Variants in CCDC50 observed in about 807,000 individuals in gnomAD.
CCDC50 encodes coiled-coil domain containing 50.
Under a neutral mutation model 70.2 loss-of-function variants are expected in CCDC50, and 54 were observed. The observed-to-expected ratio is 0.77, with a 90% CI of 0.62 to 0.96. CCDC50 has a LOEUF of 0.96. Among genes scored for constraint, CCDC50 ranks in the 50% least tolerant of loss-of-function variants. The probability of loss-of-function intolerance (pLI) is 0.00; values close to 1 mark genes in which losing one functional copy is unlikely to be tolerated. For missense variants in CCDC50, 558 were observed against 578.7 expected, an observed-to-expected ratio of 0.96 and a Z score of 0.37; for synonymous variants, 216 against 198.8, an observed-to-expected ratio of 1.09 and a Z score of -0.73.
intron 1 of CCDC50, among the ~76,000 whole-genome samples, chr3:191,348,176 T>G (rs1166299978): frequency 7.0e-6 from 1 of 141,958 alleles, no homozygotes; most frequent in African/African-American, 2.5e-5. Flanking sequence ...AATGGGGGTC[T>G]TGTAGGTTGA....
chr3:191,382,406 T>C (rs906047229), intron 9 of CCDC50, among the ~76,000 whole-genome samples: 1 of 152,130 alleles, frequency 6.6e-6, no homozygotes, highest in African/African-American at 2.4e-5. Context: ...GTGTAGCTAT[T>C]ATGTTAATAA....
At chr3:191,329,941 T>G (rs1409216229) in intron 1 of CCDC50, among the ~76,000 whole-genome samples, 16 of 5,366 alleles carry the variant, frequency 3.0e-3, no homozygotes, top group Non-Finnish European at 5.5e-3. Flanking sequence ...AAGGGGGTGG[T>G]TGGGGGGGGG....
In CCDC50 at chr3:191,393,765, A is replaced by G. The variant is rs1339009953; in HGVS notation, c.*2005A>G. On this transcript the variant is annotated 3_prime_UTR_variant, in exon 12 of 12. Transcript: ENST00000392455. Reference sequence around the variant, plus strand: ...AGTCAAATTCCAGATAGTGCTTTCAATATCCAAAGCTTAGGCCTTGTTTAC... The same window carrying G: ...AGTCAAATTCCAGATAGTGCTTTCAGTATCCAAAGCTTAGGCCTTGTTTAC... The G allele has an allele frequency of 6.6e-6, 1 of 152,192 alleles. No individual in the cohort carries two copies. Among genetic ancestry groups the G allele is most frequent in the African/African-American group, 2.4e-5 (1 of 41,456 alleles). The allele number at this position is 152,192 out of a possible 1,614,324, so 9.4% of individuals were successfully genotyped here.
intron 1 of CCDC50, among the ~76,000 whole-genome samples, chr3:191,340,756 T>G (rs1289687168): frequency 6.6e-6 from 1 of 152,222 alleles, no homozygotes; most frequent in Admixed American, 6.5e-5. Context: ...GGCGGACATA[T>G]GAGGTTAGAA....
intron 5 of CCDC50, among the ~76,000 whole-genome samples, chr3:191,373,505 C>G (rs887479225): frequency 6.6e-6 from 1 of 152,128 alleles, no homozygotes; most frequent in Non-Finnish European, 1.5e-5. Flanking sequence ...TTGTGCAACT[C>G]TGAGTGAGCA....
intron 1 of CCDC50, 48 bp downstream of exon 1, chr3:191,329,771 C>T: frequency 6.3e-7 from 1 of 1,583,002 alleles, no homozygotes; most frequent in Middle Eastern, 1.7e-4. Flanking sequence ...CTCTCCCAGC[C>T]CGAGGTTCTC....
intron 9 of CCDC50, among the ~76,000 whole-genome samples, chr3:191,382,318 A>G (rs987312771): frequency 2.0e-5 from 3 of 152,134 alleles, no homozygotes; most frequent in Admixed American, 1.3e-4. Flanking sequence ...AGCCTAAGAC[A>G]TGTGTGCGGA....
intron 6 of CCDC50, 68 bp from the exon 7 acceptor site, chr3:191,380,091 A>T: frequency 1.0e-6 from 1 of 987,286 alleles, no homozygotes; most frequent in Non-Finnish European, 1.6e-6. Context: ...CTTTATCTTA[A>T]ATTTCTTAAC....
rs376118427 is a variant in CCDC50 at position 191,380,683 on chromosome 3, A to G, written c.1093-4A>G. 1.2e-4 allele frequency: 201 copies of G among 1,612,090 alleles called. No homozygotes were observed. The highest frequency in any genetic ancestry group is 1.7e-4 in the Non-Finnish European group (197 of 1,178,856). On this transcript the variant is annotated splice_polypyrimidine_tract_variant and splice_region_variant and intron_variant, in intron 7 of 11. Coordinates refer to ENST00000392455, the MANE Select transcript of CCDC50 (RefSeq NM_178335.3). ...TCTTTGTTTTTGTATTTTCGATATCATAGGCTACCCAGGTGGACATGAGAG... is the reference window on the plus strand; with the variant it reads ...TCTTTGTTTTTGTATTTTCGATATCGTAGGCTACCCAGGTGGACATGAGAG...
chr3:191,356,126 T>G, intron 1 of CCDC50, among the ~76,000 whole-genome samples: 1 of 152,210 alleles, frequency 6.6e-6, no homozygotes, highest in South Asian at 2.1e-4. Flanking sequence ...GGAATTTCCT[T>G]TTTTTAACAT....
rs369184142 is a variant in CCDC50, at chr3:191,370,074, A to G, written c.448+38A>G. ...GCATCATGATCTATTCTATCCTTAG[A>G]CTCAACCATAAAACACTCCTTTAAT... On this transcript the variant is annotated intron_variant, in intron 5 of 11. Transcript: ENST00000392455. 1.7e-5 allele frequency: 23 copies of G among 1,393,700 alleles called. No homozygotes were observed. In the African/African-American group the frequency reaches 3.1e-4, roughly 19 times the overall value. 86.3% of individuals were successfully genotyped at this position (1,393,700 alleles called of 1,614,324 possible).
chr3:191,336,105 A>G (rs1482977187), intron 1 of CCDC50, among the ~76,000 whole-genome samples: 4 of 151,742 alleles, frequency 2.6e-5, no homozygotes, highest in Non-Finnish European at 5.9e-5. Context: ...GTGACAGTAA[A>G]GTCACTCTAA....
At chr3:191,330,023 C>T (rs1379318725) in intron 1 of CCDC50, among the ~76,000 whole-genome samples, 1 of 151,574 alleles carries the variant, frequency 6.6e-6, no homozygotes, top group Non-Finnish European at 1.5e-5. Context: ...CCTCAGTGGA[C>T]GCTGAGAGCC....
At position 191,356,701 on chromosome 3, in the gene CCDC50, C is replaced by T. The variant is rs1712294706; in HGVS notation, c.50-387C>T. 3.3e-5 allele frequency among the ~76,000 whole-genome samples: 5 copies of T among 152,314 alleles called. No individual in the cohort carries two copies. In the South Asian group the frequency reaches 6.2e-4, roughly 19 times the overall value. ...TTTAACACCTCTAATTATGCAGTAA[C>T]TCAGTTCTCTCTCAGTAGCAATATG... is the stretch of plus-strand genomic sequence containing the variant. On this transcript the variant is annotated intron_variant, in intron 1 of 11. Coordinates refer to ENST00000392455, the MANE Select transcript of CCDC50 (RefSeq NM_178335.3).
Position 191,390,801 on chromosome 3 carries a change from C to T in CCDC50, c.1430-940C>T, listed in dbSNP as rs79211915. Among the ~76,000 whole-genome samples the T allele has an allele frequency of 4.0e-3, 614 of 152,190 alleles. 3 individuals are homozygous for T. Among genetic ancestry groups the T allele is most frequent in the Non-Finnish European group, 7.0e-3 (477 of 67,992 alleles). Reference sequence around the variant, plus strand: ...GCCAACCCCTTATCTCATCCAGTGACCTAGAATGCCTAACCTCCTGGGAAT... The same window carrying T: ...GCCAACCCCTTATCTCATCCAGTGATCTAGAATGCCTAACCTCCTGGGAAT... On this transcript the variant is annotated intron_variant, in intron 11 of 11. Coordinates refer to ENST00000392455, the MANE Select transcript of CCDC50 (RefSeq NM_178335.3).
intron 4 of CCDC50, among the ~76,000 whole-genome samples, chr3:191,368,387 A>C (rs1039656189): frequency 2.0e-5 from 3 of 152,048 alleles, no homozygotes; most frequent in Non-Finnish European, 2.9e-5. Flanking sequence ...TTACTTATCA[A>C]AAAAATACGT....
chr3:191,358,864 C>G (rs746273533), intron 3 of CCDC50, among the ~76,000 whole-genome samples: 8 of 152,128 alleles, frequency 5.3e-5, no homozygotes, highest in Admixed American at 5.2e-4. Flanking sequence ...GAAGGAACCC[C>G]TTAATTTACT....
intron 10 of CCDC50, among the ~76,000 whole-genome samples, chr3:191,385,018 TA>T (rs1312901818): frequency 2.0e-5 from 3 of 152,196 alleles, no homozygotes; most frequent in Non-Finnish European, 4.4e-5. Flanking sequence ...TGTGGCTGTG[TA>T]GTAGTCTATA....
intron 1 of CCDC50, among the ~76,000 whole-genome samples, chr3:191,336,888 G>C (rs769860231): frequency 4.6e-5 from 7 of 152,196 alleles, no homozygotes; most frequent in Non-Finnish European, 2.9e-5. Flanking sequence ...ATTTGTTGCA[G>C]GGACCTGCAA....
Sources: gnomAD v4.1 joint callset for allele counts (sites outside exome capture counted in the v4.1 genomes callset) on GRCh38, gnomAD v4.1.1 for gene constraint, MANE v1.5 for transcripts, NCBI Gene and HGNC (gene_info 2026-07-23, HGNC 2026-07-21) for gene names.